The following TFG variants were observed in gnomAD, a reference collection of about 807,000 sequenced individuals.
TFG encodes protein TFG.
TFG carries 22 observed loss-of-function variants against 51.4 expected under a neutral mutation model. That is an observed-to-expected ratio of 0.43 (90% CI 0.31 to 0.61). The LOEUF is 0.61. Among genes scored for constraint, TFG ranks in the 20% least tolerant of loss-of-function variants. The pLI is 0.12. For missense variants in TFG, 419 were observed against 487.7 expected, an observed-to-expected ratio of 0.86 and a Z score of 1.33; for synonymous variants, 187 against 165.6, an observed-to-expected ratio of 1.13 and a Z score of -0.99.
chr3:100,714,976 T>A (rs922649131), intron 2 of TFG, among the ~76,000 whole-genome samples: 15 of 152,168 alleles, frequency 9.9e-5, no homozygotes, highest in Non-Finnish European at 5.9e-5. Context: ...ATTTTCTCTT[T>A]AGGTGGTTAC....
chr3:100,730,818 A>G (rs2095089545), intron 4 of TFG, among the ~76,000 whole-genome samples: 1 of 152,216 alleles, frequency 6.6e-6, no homozygotes, highest in Admixed American at 6.5e-5. Flanking sequence ...AGTAGGACGT[A>G]TAGTATGTTT....
At position 100,713,921 on chromosome 3, in the gene TFG, AAAAGAC is replaced by A. The variant is rs769885874; in HGVS notation, c.184+54_184+59del. 84 of 1,250,998 alleles carry A rather than the reference AAAAGAC, an allele frequency of 6.7e-5. No homozygotes were observed. The South Asian group carries it at 1.4e-3, about 21-fold the overall frequency. The allele number at this position is 1,250,998 out of a possible 1,614,324, so 77.5% of individuals were successfully genotyped here. A position where few individuals can be genotyped will look rare whatever the true frequency, so the allele number is the denominator to read the frequency against. On this transcript the variant is annotated intron_variant, in intron 2 of 7. Coordinates refer to ENST00000240851, the MANE Select transcript of TFG (RefSeq NM_006070.6). ...TAAAGTCTTTTTAAAAAAAAAAAAA[AAAAGAC>A]AGAGCCTCTGTTGCCCAGGCTGGAG...
At chr3:100,714,601 C>G (rs1187727084) in intron 2 of TFG, among the ~76,000 whole-genome samples, 1 of 151,574 alleles carries the variant, frequency 6.6e-6, no homozygotes, top group Non-Finnish European at 1.5e-5. Context: ...TCCTTTTGTC[C>G]ATATAATTCT....
chr3:100,730,047 A>G (rs1221749622), intron 4 of TFG, among the ~76,000 whole-genome samples: 3 of 152,204 alleles, frequency 2.0e-5, no homozygotes, highest in African/African-American at 7.2e-5. Context: ...CTACCTCTCC[A>G]AACAAAAATT....
intron 5 of TFG, among the ~76,000 whole-genome samples, chr3:100,736,231 C>G (rs546178392): frequency 1.3e-5 from 2 of 152,084 alleles, no homozygotes; most frequent in South Asian, 4.2e-4. Flanking sequence ...GTGAAGACCC[C>G]TTGAAGAATG....
At chr3:100,739,385 G>A (rs183267036) in intron 6 of TFG, among the ~76,000 whole-genome samples, 122 of 151,872 alleles carry the variant, frequency 8.0e-4, no homozygotes, top group African/African-American at 2.9e-3. Context: ...AAGATATTGA[G>A]CATCATTAAA....
intron 3 of TFG, among the ~76,000 whole-genome samples, chr3:100,720,678 A>G (rs2095058246): frequency 6.6e-6 from 1 of 152,246 alleles, no homozygotes; most frequent in Non-Finnish European, 1.5e-5. Flanking sequence ...GCCACAGAGT[A>G]GCACTGGGTT....
intron 2 of TFG, among the ~76,000 whole-genome samples, chr3:100,717,675 A>T (rs1431377782): frequency 2.1e-5 from 3 of 145,414 alleles, no homozygotes; most frequent in Non-Finnish European, 4.5e-5. Flanking sequence ...ATGGGATTGC[A>T]TTTTTTATTT....
chr3:100,745,321 CA>C (rs1290110896), intron 7 of TFG, among the ~76,000 whole-genome samples: 1 of 151,984 alleles, frequency 6.6e-6, no homozygotes, highest in Admixed American at 6.6e-5. Context: ...GAAATATGAA[CA>C]GTTTACTATA....
chr3:100,745,873 G>T (rs2095133411), intron 7 of TFG, among the ~76,000 whole-genome samples: 1 of 152,122 alleles, frequency 6.6e-6, no homozygotes, highest in South Asian at 2.1e-4. Flanking sequence ...TAGAATGGCA[G>T]AGTTGAGTAG....
rs779618813 is a variant in TFG at position 100,713,907 on chromosome 3, T to TTAA, written c.184+38_184+39insTAA. On this transcript the variant is annotated intron_variant, in intron 2 of 7. Transcript: ENST00000240851. ...TTAAAGCTATTTTTTAAAGTCTTTT[T>TTAA]AAAAAAAAAAAAAAAAAGACAGAGC... The TTAA allele has an allele frequency of 3.6e-5, 32 of 898,948 alleles. 1 individual carries two copies. Among genetic ancestry groups the TTAA allele is most frequent in the Middle Eastern group, 4.0e-4 (1 of 2,520 alleles). The allele number at this position is 898,948 out of a possible 1,614,324, so 55.7% of individuals were successfully genotyped here. A position where few individuals can be genotyped will look rare whatever the true frequency, so the allele number is the denominator to read the frequency against.
chr3:100,714,383 C>T (rs577891444), intron 2 of TFG, among the ~76,000 whole-genome samples: 1 of 152,018 alleles, frequency 6.6e-6, no homozygotes, highest in Non-Finnish European at 1.5e-5. Context: ...CGCCTGTAAT[C>T]CCAACTACTC....
intron 6 of TFG, among the ~76,000 whole-genome samples, chr3:100,737,866 T>C (rs1295588374): frequency 6.6e-6 from 1 of 151,958 alleles, no homozygotes; most frequent in African/African-American, 2.4e-5. Flanking sequence ...CTGGGTGACA[T>C]AGTGAGACCC....
rs2095157097 is a variant in TFG at position 100,748,540 on chromosome 3, C to T, written c.*9C>T. 1 of 1,595,708 alleles carries T rather than the reference C, an allele frequency of 6.3e-7. No homozygotes were observed. Among genetic ancestry groups the T allele is most frequent in the Non-Finnish European group, 8.6e-7 (1 of 1,168,036 alleles). Reference sequence around the variant, plus strand: ...GACCTGGTTATCGATAAGGAGGCTCCTCTACACCAATTAATGTAGCTGCTA... The same window carrying T: ...GACCTGGTTATCGATAAGGAGGCTCTTCTACACCAATTAATGTAGCTGCTA... On this transcript the variant is annotated 3_prime_UTR_variant, in exon 8 of 8. Coordinates refer to ENST00000240851, the MANE Select transcript of TFG (RefSeq NM_006070.6).
intron 6 of TFG, among the ~76,000 whole-genome samples, chr3:100,741,676 C>T (rs1044618617): frequency 6.6e-6 from 1 of 152,166 alleles, no homozygotes; most frequent in Non-Finnish European, 1.5e-5. Context: ...TCACTCAACA[C>T]AAGTACCTCA....
At chr3:100,743,220 T>C (rs1227348032) in intron 6 of TFG, 1 of 152,196 alleles carries the variant, frequency 6.6e-6, no homozygotes, top group Non-Finnish European at 1.5e-5. Flanking sequence ...AATACTAATA[T>C]GGTTGAATTT....
intron 1 of TFG, among the ~76,000 whole-genome samples, chr3:100,712,451 A>G (rs762248597): frequency 1.3e-5 from 2 of 152,188 alleles, no homozygotes; most frequent in Non-Finnish European, 2.9e-5. Flanking sequence ...TGTGGCCAGT[A>G]GTAGTTTGTA....
At chr3:100,734,771 T>G (rs1007764590) in intron 5 of TFG, among the ~76,000 whole-genome samples, 1 of 152,204 alleles carries the variant, frequency 6.6e-6, no homozygotes, top group Non-Finnish European at 1.5e-5. Flanking sequence ...TTTGATGAGG[T>G]CAGACTTTTA....
At chr3:100,724,303 A>C (rs2095068917) in intron 3 of TFG, among the ~76,000 whole-genome samples, 1 of 152,202 alleles carries the variant, frequency 6.6e-6, no homozygotes, top group Non-Finnish European at 1.5e-5. Flanking sequence ...GCAAATCTTT[A>C]TGAGGATTAG....
Sources: allele counts gnomAD v4.1 joint callset (sites outside exome capture counted in the v4.1 genomes callset), GRCh38; gene constraint gnomAD v4.1.1; transcripts MANE v1.5; gene names NCBI Gene and HGNC (gene_info 2026-07-23, HGNC 2026-07-21).